CELF6: variants seen among roughly 807,000 people sequenced by gnomAD.
CELF6 encodes Bruno -like 6, RNA binding protein.
Under a neutral mutation model 53.1 loss-of-function variants are expected in CELF6, and 32 were observed. That is an observed-to-expected ratio of 0.60 (90% CI 0.46 to 0.81). The LOEUF is 0.81. CELF6 is among the 30% of genes least tolerant of loss of function. CELF6 has a pLI of 0.00. For synonymous variants in CELF6, 291 were observed against 288.8 expected, an observed-to-expected ratio of 1.01 and a Z score of -0.08; for missense variants, 539 against 669.5, an observed-to-expected ratio of 0.81 and a Z score of 2.15.
intron 2 of CELF6, among the ~76,000 whole-genome samples, chr15:72,314,010 G>T (rs1243506810): frequency 6.6e-6 from 1 of 152,152 alleles, no homozygotes; most frequent in African/African-American, 2.4e-5. Flanking sequence ...AAGTCACAAA[G>T]CTAGTGAGTG....
At position 72,290,367 on chromosome 15, in the gene CELF6, G is replaced by A; in HGVS notation, c.395-112C>T. ...CCAGTCTCACTCTGGGAAGCAGAGG[G>A]AGTGAGAAGGCCCTGGGCTTCCAGG... On this transcript the variant is annotated intron_variant, in intron 3 of 12. Coordinates refer to ENST00000287202, the MANE Select transcript of CELF6 (RefSeq NM_052840.5). 8 of 1,299,732 alleles carry A rather than the reference G, an allele frequency of 6.2e-6. No homozygotes were observed. The South Asian group carries it at 1.1e-4, about 19-fold the overall frequency. The allele number at this position is 1,299,732 out of a possible 1,614,324, so 80.5% of individuals were successfully genotyped here.
At chr15:72,297,301 C>T (rs1344168695) in intron 3 of CELF6, among the ~76,000 whole-genome samples, 1 of 152,176 alleles carries the variant, frequency 6.6e-6, no homozygotes, top group Non-Finnish European at 1.5e-5. Context: ...ACTGTAACCC[C>T]CCTGCCGCCC....
chr15:72,311,698 G>A (rs990028382), intron 2 of CELF6, among the ~76,000 whole-genome samples: 5 of 152,070 alleles, frequency 3.3e-5, no homozygotes, highest in Middle Eastern at 3.2e-3. Context: ...CACTGCACCC[G>A]GCCAATGAGA....
rs1246081720 is a variant in CELF6 at position 72,319,109 on chromosome 15, A to G, written c.262+504T>C. On this transcript the variant is annotated intron_variant, in intron 1 of 12. Coordinates refer to ENST00000287202, the MANE Select transcript of CELF6 (RefSeq NM_052840.5). The surrounding 1 kb of genome is among the most constrained non-coding windows in gnomAD (Gnocchi z 5.0). ...CGGTGTTTTAGGTTGGCAGTCTGAG[A>G]GTCAAAAGAAGGCTCTTGAGGGGGA... Among the ~76,000 whole-genome samples, 1 of 151,996 alleles carries G rather than the reference A, an allele frequency of 6.6e-6. No individual in the cohort carries two copies. The highest frequency in any genetic ancestry group is 1.5e-5 in the Non-Finnish European group (1 of 67,992).
chr15:72,291,221 G>T (rs2088002765), intron 3 of CELF6, among the ~76,000 whole-genome samples: 1 of 152,176 alleles, frequency 6.6e-6, no homozygotes, highest in Admixed American at 6.5e-5. Context: ...TGTGTCCCTC[G>T]AAGAAAGCTG....
At chr15:72,303,780 A>G (rs1422856863) in intron 3 of CELF6, among the ~76,000 whole-genome samples, 2 of 152,140 alleles carry the variant, frequency 1.3e-5, no homozygotes, top group African/African-American at 4.8e-5. Flanking sequence ...CCTTGCCTTT[A>G]CAGCTTGGAA....
chr15:72,309,470 G>A (rs2088269842), intron 2 of CELF6, among the ~76,000 whole-genome samples: 1 of 152,166 alleles, frequency 6.6e-6, no homozygotes, highest in Non-Finnish European at 1.5e-5. Context: ...TGAGCCTCAG[G>A]TTCATCGCTT....
At chr15:72,315,217 C>T (rs1431368692) in intron 2 of CELF6, among the ~76,000 whole-genome samples, 3 of 152,168 alleles carry the variant, frequency 2.0e-5, no homozygotes, top group African/African-American at 7.2e-5. Context: ...TAGTTACTAA[C>T]GATCACCCCT....
At position 72,319,965 on chromosome 15, in the gene CELF6, GGGGCGGAGCCC is replaced by G. The variant is rs1007695236; in HGVS notation, c.-102_-92del. 6 of 1,362,122 alleles carry G rather than the reference GGGGCGGAGCCC, an allele frequency of 4.4e-6. No homozygotes were observed. Among genetic ancestry groups the G allele is most frequent in the Non-Finnish European group, 5.7e-6 (6 of 1,060,526 alleles). The allele number at this position is 1,362,122 out of a possible 1,614,324, so 84.4% of individuals were successfully genotyped here. On this transcript the variant is annotated 5_prime_UTR_variant, in exon 1 of 13. Coordinates refer to ENST00000287202, the MANE Select transcript of CELF6 (RefSeq NM_052840.5). This position sits in a 1 kb window ranked among gnomAD's most constrained non-coding sequence, Gnocchi z 5.0. ...GACCGGTGGCGAGGGCCAGGGGGAGGGGGCGGAGCCCGGGCGGAGAGGGCGGGGGGCTGCCC... is the reference window on the plus strand; with the variant it reads ...GACCGGTGGCGAGGGCCAGGGGGAGGGGGCGGAGAGGGCGGGGGGCTGCCC...
intron 3 of CELF6, among the ~76,000 whole-genome samples, chr15:72,292,882 C>A (rs1202738185): frequency 6.6e-6 from 1 of 152,136 alleles, no homozygotes; most frequent in Non-Finnish European, 1.5e-5. Flanking sequence ...ATAAAAATAG[C>A]CAGGCGTGGT....
intron 3 of CELF6, among the ~76,000 whole-genome samples, chr15:72,299,254 C>T (rs1382568534): frequency 6.6e-6 from 1 of 151,570 alleles, no homozygotes; most frequent in African/African-American, 2.4e-5. Context: ...AACAAAACAA[C>T]ACAACAACAA....
intron 2 of CELF6, among the ~76,000 whole-genome samples, chr15:72,315,273 C>T (rs1386258099): frequency 1.3e-5 from 2 of 152,182 alleles, no homozygotes; most frequent in African/African-American, 2.4e-5. Flanking sequence ...CTTTTGTTGA[C>T]TGATTATCCA....
chr15:72,289,203 G>T lies in CELF6; in HGVS notation c.965C>A (p.Thr322Asn). 1 of 1,570,844 alleles carries T rather than the reference G, an allele frequency of 6.4e-7. No individual in the cohort carries two copies. Among genetic ancestry groups the T allele is most frequent in the East Asian group, 2.3e-5 (1 of 44,112 alleles). Residue 322 changes from threonine (T) to asparagine (N), a missense_variant, in exon 8 of 13, where the codon ACC becomes AAC. Coordinates refer to ENST00000287202, the MANE Select transcript of CELF6 (RefSeq NM_052840.5). The surrounding 1 kb of genome is among the most constrained non-coding windows in gnomAD (Gnocchi z 7.6). ...GCCCGGCTGGCCATTGGTCTGGGGGGTCAGAGGGCCGAATCCATTGACCCC... is the reference window on the plus strand; with the variant it reads ...GCCCGGCTGGCCATTGGTCTGGGGGTTCAGAGGGCCGAATCCATTGACCCC... The part of the protein sequence containing the change: ...PIGVNGFGPL[T>N]PQTNGQPGSD...
chr15:72,293,556 C>T (rs1322181761), intron 3 of CELF6, among the ~76,000 whole-genome samples: 1 of 152,214 alleles, frequency 6.6e-6, no homozygotes, highest in Non-Finnish European at 1.5e-5. Flanking sequence ...CATGGACGCT[C>T]AACCTTCCTG....
At chr15:72,304,628 C>T in intron 3 of CELF6, 118 bp downstream of exon 3, 2 of 872,594 alleles carry the variant, frequency 2.3e-6, no homozygotes, top group Non-Finnish European at 1.9e-6. Context: ...CTCTGAGCCC[C>T]ACCTGTCCCC....
Position 72,310,571 on chromosome 15 carries a change from G to C in CELF6, c.345+5274C>G, listed in dbSNP as rs139263896. Among the ~76,000 whole-genome samples the C allele has an allele frequency of 6.4e-4, 90 of 141,296 alleles. No individual in the cohort carries two copies. The East Asian group carries it at 0.015, about 23-fold the overall frequency. The allele number at this position is 141,296 out of a possible 152,430, so 92.7% of individuals were successfully genotyped here. ...CTTTTTTTTTTTTTTTTGAGACAGC[G>C]TCGACCTCCAGGGCTCAAGCAACCC... On this transcript the variant is annotated intron_variant, in intron 2 of 12. Transcript: ENST00000287202.
intron 2 of CELF6, among the ~76,000 whole-genome samples, chr15:72,315,088 C>T (rs144176431): frequency 8.9e-4 from 136 of 152,350 alleles, no homozygotes; most frequent in African/African-American, 2.9e-3. Flanking sequence ...TAGAACTGGA[C>T]ATAGTCCCAA....
chr15:72,315,233 C>T (rs1470063748), intron 2 of CELF6, among the ~76,000 whole-genome samples: 2 of 152,172 alleles, frequency 1.3e-5, no homozygotes, highest in African/African-American at 4.8e-5. Context: ...CCCCTTTATT[C>T]TGCCATATGG....
In CELF6 at chr15:72,306,051, A is replaced by T. The variant is rs1216539188; in HGVS notation, c.346-1257T>A. The T allele has an allele frequency of 3.1e-6, 3 of 983,450 alleles. No homozygotes were observed. In the African/African-American group the frequency reaches 5.3e-5, roughly 17 times the overall value. The allele number at this position is 983,450 out of a possible 1,614,324, so 60.9% of individuals were successfully genotyped here. A position where few individuals can be genotyped will look rare whatever the true frequency, so the allele number is the denominator to read the frequency against. ...TTAAGTTGGGGTATTGCATAATTTG[A>T]AAACGCTCCTAGGTGATTTCAATAT... On this transcript the variant is annotated intron_variant, in intron 2 of 12. Coordinates refer to ENST00000287202, the MANE Select transcript of CELF6 (RefSeq NM_052840.5).
Sources: allele counts gnomAD v4.1 joint callset (sites outside exome capture counted in the v4.1 genomes callset), GRCh38; gene constraint gnomAD v4.1.1; non-coding constraint Gnocchi (gnomAD v3.1); transcripts MANE v1.5; gene names NCBI Gene and HGNC (gene_info 2026-07-23, HGNC 2026-07-21).